Variants in RSF1 observed in about 807,000 individuals in gnomAD.
RSF1 encodes the protein remodeling and spacing factor 1, also known as HBV pX-associated protein 8.
A neutral mutation model predicts 145.2 loss-of-function variants in RSF1; 13 were observed. That is an observed-to-expected ratio of 0.09 (90% confidence interval 0.06 to 0.14). RSF1 has a LOEUF of 0.14. RSF1 is among the 10% of genes least tolerant of loss of function. The probability of loss-of-function intolerance (pLI) is 1.00; values close to 1 mark genes in which losing one functional copy is unlikely to be tolerated. For missense variants in RSF1, 1,517 were observed against 1,718.2 expected, an observed-to-expected ratio of 0.88 and a Z score of 2.07; for synonymous variants, 577 against 592.6, an observed-to-expected ratio of 0.97 and a Z score of 0.38.
the RSF1 span, among the ~76,000 whole-genome samples, chr11:77,830,389 T>C: frequency 1.3e-5 from 2 of 152,124 alleles, no homozygotes; most frequent in Non-Finnish European, 2.9e-5. Flanking sequence ...AGTGGGCTCC[T>C]TAAAGTTATC....
At chr11:77,846,910 G>T in the RSF1 span, among the ~76,000 whole-genome samples, 24 of 152,292 alleles carry the variant, frequency 1.6e-4, no homozygotes, top group African/African-American at 3.8e-4. Flanking sequence ...CATAAAGGAA[G>T]ATTCATATTT....
Position 77,701,547 on chromosome 11 carries a change from G to A in RSF1, c.1682C>T (p.Ser561Leu). Residue 561 changes from serine (S) to leucine (L), a missense_variant, in exon 6 of 16, where the codon TCG becomes TTG. By Grantham distance (145) the Ser-to-Leu change is moderately radical (BLOSUM62 -2). Coordinates refer to ENST00000308488, the MANE Select transcript of RSF1 (RefSeq NM_016578.4). ...SSKTALSSTE[S>L]CTMKGEEKSP... Reference sequence around the variant, plus strand: ...CTTCTCTTCACCTTTCATGGTACACGACTCGGTGGAAGATAAAGCAGTTTT... The same window carrying A: ...CTTCTCTTCACCTTTCATGGTACACAACTCGGTGGAAGATAAAGCAGTTTT... 4.3e-6 allele frequency: 7 copies of A among 1,613,896 alleles called. No individual in the cohort carries two copies. The highest frequency in any genetic ancestry group is 1.1e-5 in the South Asian group (1 of 91,054).
chr11:77,761,130 G>T (rs191073255), intron 2 of RSF1, among the ~76,000 whole-genome samples: 1 of 152,042 alleles, frequency 6.6e-6, no homozygotes, highest in African/African-American at 2.4e-5. Context: ...CAGTAGGGAC[G>T]GGGTTTCACC....
chr11:77,714,125 C>A (rs908245464), intron 5 of RSF1, among the ~76,000 whole-genome samples: 2 of 152,202 alleles, frequency 1.3e-5, no homozygotes, highest in Admixed American at 1.3e-4. Context: ...TTTATTTGAA[C>A]CTTCTTTTTG....
chr11:77,740,422 T>C (rs1223194702), intron 4 of RSF1, among the ~76,000 whole-genome samples: 1 of 152,218 alleles, frequency 6.6e-6, no homozygotes, highest in East Asian at 1.9e-4. Context: ...ACAATGCTTT[T>C]CTTGTGCTTT....
At chr11:77,700,679 A>G in intron 6 of RSF1, 42 bp downstream of exon 6, 1 of 1,421,606 alleles carries the variant, frequency 7.0e-7, no homozygotes, top group Non-Finnish European at 9.4e-7. Context: ...CTATTAATAT[A>G]TAGAGACAAA....
intron 3 of RSF1, among the ~76,000 whole-genome samples, chr11:77,743,718 C>T (rs114439793): frequency 1.3e-5 from 2 of 152,146 alleles, no homozygotes; most frequent in African/African-American, 2.4e-5. Context: ...TCTTTTTGTA[C>T]CTAACTGTTC....
At chr11:77,678,469 T>C (rs1180554379) in intron 11 of RSF1, among the ~76,000 whole-genome samples, 1 of 152,162 alleles carries the variant, frequency 6.6e-6, no homozygotes, top group Non-Finnish European at 1.5e-5. Context: ...CGCCTCAGTC[T>C]CCCAAAGTGC....
At chr11:77,857,728 G>A in the RSF1 span, among the ~76,000 whole-genome samples, 10 of 144,456 alleles carry the variant, frequency 6.9e-5, no homozygotes, top group Admixed American at 1.4e-4. Flanking sequence ...ATGGAGTCTC[G>A]CTCTGTCACC....
intron 4 of RSF1, chr11:77,734,806 T>C (rs977314557): frequency 1.1e-5 from 17 of 1,594,868 alleles, no homozygotes; most frequent in Non-Finnish European, 1.4e-5. Flanking sequence ...TCGTTGGTTC[T>C]GCAGCTTCAT....
chr11:77,727,420 A>G (rs776549965), intron 4 of RSF1, among the ~76,000 whole-genome samples: 1 of 152,070 alleles, frequency 6.6e-6, no homozygotes, highest in Non-Finnish European at 1.5e-5. Flanking sequence ...AAAAGCTTCA[A>G]AACGTAAGAG....
intron 2 of RSF1, among the ~76,000 whole-genome samples, chr11:77,755,513 A>G (rs913336514): frequency 6.6e-6 from 1 of 152,216 alleles, no homozygotes; most frequent in Non-Finnish European, 1.5e-5. Flanking sequence ...TGTGTTGCTG[A>G]AAGTCATTCA....
At chr11:77,827,340 A>T in the RSF1 span, among the ~76,000 whole-genome samples, 1 of 152,188 alleles carries the variant, frequency 6.6e-6, no homozygotes, top group East Asian at 1.9e-4. Context: ...AAATATCACA[A>T]GGAAAGCCCA....
At chr11:77,773,489 A>C (rs1948309360) in intron 1 of RSF1, among the ~76,000 whole-genome samples, 1 of 152,190 alleles carries the variant, frequency 6.6e-6, no homozygotes, top group Non-Finnish European at 1.5e-5. Flanking sequence ...TTCTTGGAGG[A>C]AAAAAATCTA....
chr11:77,859,167 G>A, the RSF1 span, among the ~76,000 whole-genome samples: 1 of 152,188 alleles, frequency 6.6e-6, no homozygotes, highest in African/African-American at 2.4e-5. Context: ...TCCTCCTGAG[G>A]TTCCCCATTC....
intron 1 of RSF1, among the ~76,000 whole-genome samples, chr11:77,806,179 G>A (rs150100702): frequency 1.3e-5 from 2 of 151,804 alleles, no homozygotes; most frequent in Non-Finnish European, 2.9e-5. Flanking sequence ...GTCACCCCTG[G>A]TGAAGATCAT....
chr11:77,744,053 G>C (rs983510780), intron 3 of RSF1, among the ~76,000 whole-genome samples: 1 of 152,078 alleles, frequency 6.6e-6, no homozygotes, highest in Non-Finnish European at 1.5e-5. Flanking sequence ...TTTTGAGACA[G>C]AGTCTTGCTC....
chr11:77,869,785 G>A, the RSF1 span: 2 of 1,614,032 alleles, frequency 1.2e-6, no homozygotes, highest in South Asian at 2.2e-5. Flanking sequence ...ACAGACTCTT[G>A]TGATTGGCCG....
chr11:77,693,582 T>A lies in RSF1; in HGVS notation c.2745A>T (p.Gly915=), dbSNP rs751576113. 8.9e-5 allele frequency: 143 copies of A among 1,613,688 alleles called. No homozygotes were observed. The highest frequency in any genetic ancestry group is 1.1e-4 in the Non-Finnish European group (135 of 1,179,874). The change falls in exon 8 of 16, where the codon GGA becomes GGT. Residue 915 remains glycine (G), a synonymous_variant. Coordinates refer to ENST00000308488, the MANE Select transcript of RSF1 (RefSeq NM_016578.4). ...GAGGGCGAAGGCAGGCAGTATGGTA[T>A]CCACTATCGCAAGAGTCACACAGAA... is the stretch of plus-strand genomic sequence containing the variant. ...LILLCDSCDS[G]YHTACLRPPL...
Sources: gnomAD v4.1 joint callset for allele counts (sites outside exome capture counted in the v4.1 genomes callset) on GRCh38, gnomAD v4.1.1 for gene constraint, MANE v1.5 for transcripts, NCBI Gene and HGNC (gene_info 2026-07-23, HGNC 2026-07-21) for gene names.